APC: variants seen among roughly 807,000 people sequenced by gnomAD.
APC encodes the protein adenomatous polyposis coli protein.
A neutral mutation model predicts 247.0 loss-of-function variants in APC; 72 were observed. The observed-to-expected ratio is 0.29, with a 90% CI of 0.24 to 0.35. The LOEUF is 0.35. Ranked by LOEUF, APC falls within the 10% of genes least tolerant of loss-of-function variation. The pLI is 1.00. For missense variants in APC, 3,400 were observed against 3,360.7 expected (o/e 1.01, Z -0.29); for synonymous variants, 1,254 against 1,162.5 (o/e 1.08, Z -1.60).
At chr5:112,820,281 A>G (rs1365150504) in intron 10 of APC, among the ~76,000 whole-genome samples, 1 of 152,084 alleles carries the variant, frequency 6.6e-6, no homozygotes, top group Non-Finnish European at 1.5e-5. Context: ...TGATACAAAC[A>G]TGACTTATGA....
intron 5 of APC, among the ~76,000 whole-genome samples, chr5:112,776,947 T>C (rs1757727075): frequency 6.6e-6 from 1 of 152,202 alleles, no homozygotes; most frequent in Non-Finnish European, 1.5e-5. Flanking sequence ...ACACTAGGAT[T>C]TGTCTGGTTT....
At chr5:112,711,694 C>G (rs1203170913) in intron 1 of APC, among the ~76,000 whole-genome samples, 1 of 152,146 alleles carries the variant, frequency 6.6e-6, no homozygotes, top group African/African-American at 2.4e-5. Flanking sequence ...GCACTTCAGT[C>G]TGGGTGACAG....
At chr5:112,744,368 G>T (rs553716892) in intron 1 of APC, among the ~76,000 whole-genome samples, 5 of 152,046 alleles carry the variant, frequency 3.3e-5, no homozygotes, top group African/African-American at 9.6e-5. Flanking sequence ...TCATTCTTAC[G>T]TGTATATTTG....
chr5:112,767,987 G>A (rs911563422), intron 4 of APC, among the ~76,000 whole-genome samples: 1 of 151,910 alleles, frequency 6.6e-6, no homozygotes, highest in East Asian at 1.9e-4. Context: ...TGAGGCGGTA[G>A]GATTGCTTGA....
intron 8 of APC, among the ~76,000 whole-genome samples, chr5:112,803,692 T>G (rs1761074874): frequency 6.6e-6 from 1 of 152,190 alleles, no homozygotes; most frequent in Non-Finnish European, 1.5e-5. Flanking sequence ...AGATACTGTG[T>G]TGGACTCTAG....
At chr5:112,829,067 C>G in intron 14 of APC, 95 bp downstream of exon 14, 1 of 873,252 alleles carries the variant, frequency 1.1e-6, no homozygotes, top group East Asian at 2.5e-5. Context: ...AATTTCTTAC[C>G]TGTGTATTAT....
At position 112,841,526 on chromosome 5, in the gene APC, G is replaced by C; in HGVS notation, c.5932G>C (p.Glu1978Gln). 6.2e-7 allele frequency: 1 copy of C among 1,613,914 alleles called. No homozygotes were observed. The highest frequency in any genetic ancestry group is 1.1e-5 in the South Asian group (1 of 91,074). ...SLSSLSDIDQENNNKENEPIK... is the reference protein window; with the variant it reads ...SLSSLSDIDQQNNNKENEPIK... ...GAGTTCTCTCAGTGACATTGACCAAGAAAACAACAATAAAGAAAATGAACC... is the reference window on the plus strand; with the variant it reads ...GAGTTCTCTCAGTGACATTGACCAACAAAACAACAATAAAGAAAATGAACC... The change falls in exon 16 of 16, where the codon GAA becomes CAA. Residue 1978 changes from glutamate to glutamine, a missense_variant. Coordinates refer to ENST00000257430, the MANE Select transcript of APC (RefSeq NM_000038.6). The surrounding 1 kb of genome is among the most constrained non-coding windows in gnomAD (Gnocchi z 4.6).
intron 1 of APC, among the ~76,000 whole-genome samples, chr5:112,748,183 T>TA (rs1316080655): frequency 2.0e-5 from 3 of 152,164 alleles, no homozygotes; most frequent in Non-Finnish European, 4.4e-5. Flanking sequence ...TAGCCAGTGT[T>TA]ATGTAGCTAT....
At position 112,795,057 on chromosome 5, in the gene APC, C is replaced by T. The variant is rs1580433446; in HGVS notation, c.729+2528C>T. ...TTTGTTTTTGTTTGAGACAGAGTCTCGCTCTGTAGCCCAGGCTGGAGTGCA... is the reference window on the plus strand; with the variant it reads ...TTTGTTTTTGTTTGAGACAGAGTCTTGCTCTGTAGCCCAGGCTGGAGTGCA... On this transcript the variant is annotated intron_variant, in intron 7 of 15. Coordinates refer to ENST00000257430, the MANE Select transcript of APC (RefSeq NM_000038.6). Among the ~76,000 whole-genome samples, 5 of 152,194 alleles carry T rather than the reference C, an allele frequency of 3.3e-5. 1 individual carries two copies. The highest frequency in any genetic ancestry group is 4.2e-4 in the South Asian group (2 of 4,812).
At chr5:112,714,129 T>C (rs900230527) in intron 1 of APC, among the ~76,000 whole-genome samples, 2 of 152,244 alleles carry the variant, frequency 1.3e-5, no homozygotes, top group Non-Finnish European at 2.9e-5. Flanking sequence ...ATGTTATATG[T>C]AACAACTATT....
At chr5:112,717,352 A>G (rs1250135830) in intron 1 of APC, among the ~76,000 whole-genome samples, 1 of 151,662 alleles carries the variant, frequency 6.6e-6, no homozygotes, top group Non-Finnish European at 1.5e-5. Flanking sequence ...CTTCCTCATT[A>G]TTGTTGTTGT....
intron 15 of APC, among the ~76,000 whole-genome samples, chr5:112,836,555 G>A (rs1031603909): frequency 7.9e-5 from 12 of 152,090 alleles, no homozygotes; most frequent in South Asian, 2.1e-4. Flanking sequence ...GTTTGCCTGC[G>A]TTAAACAAGC....
rs1766809513 is a variant in APC at position 112,844,417 on chromosome 5, G to A, written c.*291G>A. On this transcript the variant is annotated 3_prime_UTR_variant, in exon 16 of 16. Coordinates refer to ENST00000257430, the MANE Select transcript of APC (RefSeq NM_000038.6). ...CCCATCCCAACTTCCTTTAATTATT[G>A]CTTGTCTTAAAATAATGAACACTAC... 1 of 358,664 alleles carries A rather than the reference G, an allele frequency of 2.8e-6. No individual in the cohort carries two copies. Among genetic ancestry groups the A allele is most frequent in the Non-Finnish European group, 5.0e-6 (1 of 198,950 alleles). 22.2% of individuals were successfully genotyped at this position (358,664 alleles called of 1,614,324 possible).
At chr5:112,743,540 A>G (rs538126132) in intron 1 of APC, among the ~76,000 whole-genome samples, 1 of 152,348 alleles carries the variant, frequency 6.6e-6, no homozygotes, top group African/African-American at 2.4e-5. Context: ...ATAATATATA[A>G]TGATCACCAA....
At chr5:112,773,564 A>G (rs931014938) in intron 4 of APC, among the ~76,000 whole-genome samples, 9 of 152,234 alleles carry the variant, frequency 5.9e-5, no homozygotes, top group Non-Finnish European at 1.3e-4. Context: ...ACAGTCAAGT[A>G]ACAAATATTT....
upstream of APC, among the ~76,000 whole-genome samples, chr5:112,734,974 A>ATT (rs973295596): frequency 2.7e-5 from 4 of 149,998 alleles, no homozygotes; most frequent in African/African-American, 9.8e-5. Flanking sequence ...CTATTTAGTC[A>ATT]TTTTTTTTTG....
Position 112,840,030 on chromosome 5 carries a change from T to A in APC, c.4436T>A (p.Val1479Asp). 1 of 1,614,024 alleles carries A rather than the reference T, an allele frequency of 6.2e-7. No homozygotes were observed. Among genetic ancestry groups the A allele is most frequent in the Non-Finnish European group, 8.5e-7 (1 of 1,179,992 alleles). The change falls in exon 16 of 16, where the codon GTC becomes GAC. Residue 1479 changes from valine to aspartate, a missense_variant. Around this residue, in one of 9 missense-constraint regions of APC, gnomAD observed 1,788 missense variants for 1,649.5 expected, o/e 1.08. Coordinates refer to ENST00000257430, the MANE Select transcript of APC (RefSeq NM_000038.6). This position sits in a 1 kb window ranked among gnomAD's most constrained non-coding sequence, Gnocchi z 4.1. Reference protein sequence around the residue: ...QAAVNAAVQRVQVLPDADTLL... With the variant: ...QAAVNAAVQRDQVLPDADTLL... ...GCAGTAAATGCTGCAGTTCAGAGGGTCCAGGTTCTTCCAGATGCTGATACT... is the reference window on the plus strand; with the variant it reads ...GCAGTAAATGCTGCAGTTCAGAGGGACCAGGTTCTTCCAGATGCTGATACT...
rs2546108 is a variant in APC at position 112,825,772 on chromosome 5, C to A, written c.1409-1336C>A. Among the ~76,000 whole-genome samples, 61,400 of 152,102 alleles carry A rather than the reference C, an allele frequency of 0.4. 14,705 individuals are homozygous for A. The highest frequency in any genetic ancestry group is 0.66 in the East Asian group (3,441 of 5,184). On this transcript the variant is annotated intron_variant, in intron 11 of 15. Coordinates refer to ENST00000257430, the MANE Select transcript of APC (RefSeq NM_000038.6). Reference sequence around the variant, plus strand: ...AAAAGATTATTTCCTCAGCCTTTTTCTTATGGAGCCTAATCCCAGGTCTAA... The same window carrying A: ...AAAAGATTATTTCCTCAGCCTTTTTATTATGGAGCCTAATCCCAGGTCTAA...
chr5:112,816,348 G>C (rs369156668), intron 9 of APC, among the ~76,000 whole-genome samples: 39 of 152,304 alleles, frequency 2.6e-4, no homozygotes, highest in African/African-American at 7.5e-4. Flanking sequence ...GTGTCTAACA[G>C]AGTGCCTGCA....
Sources: gnomAD v4.1 joint callset for allele counts (sites outside exome capture counted in the v4.1 genomes callset) on GRCh38, gnomAD v4.1.1 for gene constraint, gnomAD v4.1.1 regional missense constraint, Gnocchi (gnomAD v3.1) non-coding constraint, MANE v1.5 for transcripts, NCBI Gene and HGNC (gene_info 2026-07-23, HGNC 2026-07-21) for gene names.